The following NEDD9 variants were observed in gnomAD, a reference collection of about 807,000 sequenced individuals.
The protein encoded by NEDD9 is enhancer of filamentation 1.
A neutral mutation model predicts 76.6 loss-of-function variants in NEDD9; 26 were observed. That is an observed-to-expected ratio of 0.34 (90% CI 0.25 to 0.47). The LOEUF (loss-of-function observed/expected upper bound fraction) is 0.47, where lower values mean the gene tolerates loss of function less well. NEDD9 is among the 20% of genes least tolerant of loss of function. NEDD9 has a pLI of 1.00. For missense variants in NEDD9, 937 were observed against 1,058.5 expected (o/e 0.89, Z 1.59); for synonymous variants, 392 against 414.2 (o/e 0.95, Z 0.65).
intron 1 of NEDD9, among the ~76,000 whole-genome samples, chr6:11,228,653 A>C (rs1396025311): frequency 6.6e-6 from 1 of 152,136 alleles, no homozygotes; most frequent in African/African-American, 2.4e-5. Context: ...CAAGGAAAGG[A>C]TGCTAAAGGA....
intron 3 of NEDD9, chr6:11,258,612 G>A (rs1760050421): frequency 6.6e-6 from 1 of 151,986 alleles, no homozygotes; most frequent in South Asian, 2.1e-4. Context: ...TGAACTACCT[G>A]AAGCCATGCA....
intron 2 of NEDD9, chr6:11,200,869 GT>G: frequency 3.1e-6 from 5 of 1,590,856 alleles, no homozygotes; most frequent in Non-Finnish European, 4.3e-6. Flanking sequence ...GAGAAAATGT[GT>G]TTTTCCAAGT....
At chr6:11,237,465 A>G (rs1759627890), upstream of NEDD9, among the ~76,000 whole-genome samples, 1 of 152,168 alleles carries the variant, frequency 6.6e-6, no homozygotes, top group Admixed American at 6.5e-5. This position sits in a 1 kb window ranked among gnomAD's most constrained non-coding sequence, Gnocchi z 4.9. Context: ...TTTTCCATTT[A>G]TTTAAAATGG....
chr6:11,366,141 G>A (rs909974774), intron 1 of NEDD9, among the ~76,000 whole-genome samples: 4 of 152,056 alleles, frequency 2.6e-5, no homozygotes, highest in Admixed American at 1.3e-4. Flanking sequence ...AAAAGTAACC[G>A]GGTGTGGTGG....
At chr6:11,290,830 T>A (rs117470888) in intron 3 of NEDD9, among the ~76,000 whole-genome samples, 2,541 of 152,182 alleles carry the variant, frequency 0.017, 37 homozygotes, top group East Asian at 0.058. Flanking sequence ...AGCTAACATC[T>A]CTCCGAGGCA....
At chr6:11,338,832 G>T (rs1051126636) in intron 1 of NEDD9, among the ~76,000 whole-genome samples, 19 of 150,622 alleles carry the variant, frequency 1.3e-4, no homozygotes, top group Non-Finnish European at 2.7e-4. Context: ...TGAGGCAGGA[G>T]AATTGCTTGA....
At chr6:11,243,330 TTGATGATGA>T (rs369182385) in intron 3 of NEDD9, among the ~76,000 whole-genome samples, 1 of 152,152 alleles carries the variant, frequency 6.6e-6, no homozygotes, top group Non-Finnish European at 1.5e-5. Context: ...AATACAAGCC[TTGATGATGA>T]TGATGATGAT....
At chr6:11,310,054 G>T (rs557053745) in intron 2 of NEDD9, among the ~76,000 whole-genome samples, 1 of 152,234 alleles carries the variant, frequency 6.6e-6, no homozygotes, top group South Asian at 2.1e-4. Context: ...CTTTCACAGG[G>T]GTGTGTGTCC....
At chr6:11,211,266 A>T (rs1393912442) in intron 2 of NEDD9, among the ~76,000 whole-genome samples, 1 of 152,198 alleles carries the variant, frequency 6.6e-6, no homozygotes. Context: ...CTCTGGAAGG[A>T]CGGGGAGCCA....
chr6:11,322,090 A>T (rs1342960588), intron 2 of NEDD9, among the ~76,000 whole-genome samples: 1 of 152,092 alleles, frequency 6.6e-6, no homozygotes, highest in Non-Finnish European at 1.5e-5. Context: ...AAAACCAAAC[A>T]CCACATGTTC....
intron 2 of NEDD9, chr6:11,201,099 T>C: frequency 6.2e-7 from 1 of 1,609,718 alleles, no homozygotes; most frequent in Admixed American, 1.7e-5. Context: ...TTGTGTCACT[T>C]GTTCAAGGTC....
intron 4 of NEDD9, among the ~76,000 whole-genome samples, chr6:11,191,682 G>A (rs1432729933): frequency 6.6e-6 from 1 of 152,112 alleles, no homozygotes; most frequent in East Asian, 1.9e-4. Flanking sequence ...TGAGTCAAAC[G>A]AGTTCACTCA....
chr6:11,256,991 T>C (rs1760015630), intron 3 of NEDD9, among the ~76,000 whole-genome samples: 1 of 152,210 alleles, frequency 6.6e-6, no homozygotes, highest in African/African-American at 2.4e-5. Flanking sequence ...CCAATGCTCA[T>C]GAATGCCAGA....
chr6:11,359,654 G>A (rs1359690944), intron 1 of NEDD9, among the ~76,000 whole-genome samples: 4 of 152,210 alleles, frequency 2.6e-5, no homozygotes, highest in South Asian at 4.1e-4. Flanking sequence ...GGCTGCTTCC[G>A]CCATGGTTAA....
rs1003403455 is a variant in NEDD9 at position 11,213,410 on chromosome 6, A to G, written c.330T>C (p.Pro110=). The change falls in exon 2 of 7, where the codon CCT becomes CCC. Residue 110 remains proline (P), a synonymous_variant. Transcript: ENST00000379446. The surrounding 1 kb of genome is among the most constrained non-coding windows in gnomAD (Gnocchi z 5.4). ...GGTAAATTCCCTGATTTTGGTAGGA[A>G]GGTGGCACTTGGTAGATGGTGTCTC... ...APRDTIYQVP[P]SYQNQGIYQV... 3.7e-6 allele frequency: 6 copies of G among 1,613,560 alleles called. No individual in the cohort carries two copies. In the Admixed American group the frequency reaches 6.7e-5, roughly 18 times the overall value.
At chr6:11,310,574 T>C (rs1208551592) in intron 2 of NEDD9, among the ~76,000 whole-genome samples, 1 of 152,152 alleles carries the variant, frequency 6.6e-6, no homozygotes, top group Non-Finnish European at 1.5e-5. Flanking sequence ...GGCAGCCTTC[T>C]GTAGTTCCCT....
At chr6:11,193,473 C>A in intron 3 of NEDD9, 118 bp downstream of exon 3, 3 of 647,244 alleles carry the variant, frequency 4.6e-6, no homozygotes. Flanking sequence ...ACAACCTAAA[C>A]AAAGCTTCAT....
chr6:11,185,561 A>G lies in NEDD9; in HGVS notation c.2106T>C (p.Ala702=). The change falls in exon 7 of 7, where the codon GCT becomes GCC. Residue 702 remains alanine (A), a synonymous_variant. Transcript: ENST00000379446. ...AGAAGCACAGCAACTGCCGATCCTG[A>G]GCACTCACGCCACTGTTTGTGGTGG... ...SLPTTNSGVS[A]QDRQLLCFYY... is the part of the protein sequence containing the mutation. 1.2e-6 allele frequency: 2 copies of G among 1,614,194 alleles called. No individual in the cohort carries two copies. Among genetic ancestry groups the G allele is most frequent in the Non-Finnish European group, 1.7e-6 (2 of 1,180,030 alleles).
At chr6:11,364,888 T>C (rs996601376) in intron 1 of NEDD9, among the ~76,000 whole-genome samples, 1 of 152,130 alleles carries the variant, frequency 6.6e-6, no homozygotes. Flanking sequence ...TATGGTACAG[T>C]TCCTTTATAA....
Sources: allele counts gnomAD v4.1 joint callset (sites outside exome capture counted in the v4.1 genomes callset), GRCh38; gene constraint gnomAD v4.1.1; non-coding constraint Gnocchi (gnomAD v3.1); transcripts MANE v1.5; gene names NCBI Gene and HGNC (gene_info 2026-07-23, HGNC 2026-07-21).